ADAMTSL3: variants seen among roughly 807,000 people sequenced by gnomAD.
The protein encoded by ADAMTSL3 is ADAMTS-like protein 3.
In ADAMTSL3, 128 loss-of-function variants were observed where a neutral mutation model predicts 201.7. The observed-to-expected ratio is 0.63, with a 90% CI of 0.55 to 0.73. ADAMTSL3 has a LOEUF of 0.73. Ranked by LOEUF, ADAMTSL3 falls within the 30% of genes least tolerant of loss-of-function variation. The probability of loss-of-function intolerance (pLI) is 0.00; values close to 1 mark genes in which losing one functional copy is unlikely to be tolerated. For synonymous variants in ADAMTSL3, 738 were observed against 748.4 expected (o/e 0.99, Z 0.23); for missense variants, 1,990 against 2,119.6 (o/e 0.94, Z 1.20).
intron 17 of ADAMTSL3, among the ~76,000 whole-genome samples, chr15:83,934,561 G>GT (rs546279819): frequency 9.9e-5 from 15 of 152,264 alleles, no homozygotes; most frequent in Middle Eastern, 3.4e-3. Flanking sequence ...GGCATGATTG[G>GT]TTTTGAAATG....
At chr15:83,893,050 A>G (rs1417415220) in intron 13 of ADAMTSL3, among the ~76,000 whole-genome samples, 162 bp downstream of exon 13, 2 of 152,134 alleles carry the variant, frequency 1.3e-5, no homozygotes, top group Admixed American at 6.5e-5. Context: ...AGGACGAGGG[A>G]AGAAAGACCA....
In ADAMTSL3 at chr15:83,890,322, G is replaced by A. The variant is rs539562550; in HGVS notation, c.1211+75G>A. On this transcript the variant is annotated intron_variant, in intron 11 of 29. Transcript: ENST00000286744. ...CTTCAACTGAGACTGATCAATCTTT[G>A]CAGGGCAATACATTTCCATTTCCTG... The A allele has an allele frequency of 2.0e-5, 31 of 1,548,388 alleles. No homozygotes were observed. The South Asian group carries it at 3.4e-4, about 17-fold the overall frequency.
rs766451157 is a variant in ADAMTSL3 at position 83,704,417 on chromosome 15, A to G, written c.98A>G (p.Tyr33Cys). The part of the protein sequence containing the change: ...QTTAEKSPGA[Y>C]FLPEFALSPQ... The stretch of plus-strand genomic sequence containing the variant: ...ACAGCTGAGAAATCTCCTGGAGCCT[A>G]TTTCCTTCCCGAGTTTGCACTTTCT... Residue 33 changes from tyrosine to cysteine, a missense_variant, in exon 3 of 30, where the codon TAT becomes TGT. Physicochemically the swap from Tyr to Cys is radical, Grantham distance 194 (BLOSUM62 -2). Transcript: ENST00000286744. The G allele has an allele frequency of 1.2e-6, 2 of 1,614,102 alleles. No individual in the cohort carries two copies. The highest frequency in any genetic ancestry group is 1.7e-6 in the Non-Finnish European group (2 of 1,180,010).
intron 3 of ADAMTSL3, among the ~76,000 whole-genome samples, chr15:83,731,042 A>G (rs2062259977): frequency 6.6e-6 from 1 of 151,974 alleles, no homozygotes; most frequent in Admixed American, 6.6e-5. Context: ...TCCTTTTCCC[A>G]TTGTATATTC....
intron 23 of ADAMTSL3, among the ~76,000 whole-genome samples, chr15:83,994,761 TA>T (rs560120750): frequency 3.3e-4 from 35 of 107,198 alleles, no homozygotes; most frequent in African/African-American, 1.2e-3. Context: ...CATGCCTGGC[TA>T]TTTTTTTTTT....
chr15:83,704,327 C>T, intron 2 of ADAMTSL3, 62 bp from the exon 3 acceptor site: 1 of 1,609,638 alleles, frequency 6.2e-7, no homozygotes, highest in Non-Finnish European at 8.5e-7. Flanking sequence ...CCTTCTTGGA[C>T]TTTACCTGTC....
chr15:83,895,841 A>T (rs910570014), intron 13 of ADAMTSL3, among the ~76,000 whole-genome samples: 1 of 152,136 alleles, frequency 6.6e-6, no homozygotes, highest in Admixed American at 6.6e-5. Context: ...AAACAGGGTA[A>T]TCTCAAGCTT....
At chr15:83,865,560 A>G (rs1015773573) in intron 8 of ADAMTSL3, among the ~76,000 whole-genome samples, 8 of 152,230 alleles carry the variant, frequency 5.3e-5, no homozygotes, top group African/African-American at 1.9e-4. Flanking sequence ...GGCTAGCCAT[A>G]TGTAGAAAGC....
chr15:83,799,784 A>G (rs192724368), intron 4 of ADAMTSL3, among the ~76,000 whole-genome samples: 3 of 152,354 alleles, frequency 2.0e-5, no homozygotes, highest in Admixed American at 2.0e-4. Context: ...TGAATTTTCA[A>G]ATACTCCTGA....
intron 19 of ADAMTSL3, among the ~76,000 whole-genome samples, chr15:83,963,621 G>C (rs1490659427): frequency 6.6e-6 from 1 of 152,262 alleles, no homozygotes; most frequent in Non-Finnish European, 1.5e-5. Flanking sequence ...GCTCTGAAGA[G>C]AGCAGCAGAT....
At chr15:83,903,917 C>CAAAAAAAAAAAA (rs1168502648) in intron 15 of ADAMTSL3, among the ~76,000 whole-genome samples, 19 of 19,264 alleles carry the variant, frequency 9.9e-4, no homozygotes, top group African/African-American at 1.7e-3. Flanking sequence ...GACTCCACAT[C>CAAAAAAAAAAAA]AAAAAAAAAA....
intron 17 of ADAMTSL3, 28 bp from the exon 18 acceptor site, chr15:83,942,568 A>C: frequency 6.2e-7 from 1 of 1,600,790 alleles, no homozygotes; most frequent in South Asian, 1.1e-5. Flanking sequence ...TGGACTGTTC[A>C]ACTTTCCCCA....
At chr15:83,981,960 A>C (rs929434388) in intron 20 of ADAMTSL3, among the ~76,000 whole-genome samples, 1 of 152,184 alleles carries the variant, frequency 6.6e-6, no homozygotes, top group African/African-American at 2.4e-5. Context: ...TCTAGAAATA[A>C]CTATTCCCTA....
intron 5 of ADAMTSL3, among the ~76,000 whole-genome samples, chr15:83,816,714 A>G (rs1250125203): frequency 2.0e-5 from 3 of 152,202 alleles, no homozygotes; most frequent in Non-Finnish European, 4.4e-5. Flanking sequence ...TCAACAGAGG[A>G]AAGTCATCTG....
At chr15:83,957,306 G>A (rs2066880652) in intron 19 of ADAMTSL3, among the ~76,000 whole-genome samples, 1 of 152,204 alleles carries the variant, frequency 6.6e-6, no homozygotes, top group Non-Finnish European at 1.5e-5. Flanking sequence ...CAGCTGGATT[G>A]TGAAGGCTTT....
intron 6 of ADAMTSL3, among the ~76,000 whole-genome samples, chr15:83,821,167 TG>T (rs1345541594): frequency 6.6e-6 from 1 of 152,120 alleles, no homozygotes; most frequent in Non-Finnish European, 1.5e-5. Context: ...TTTTGACTTC[TG>T]AAAAATATTT....
At chr15:83,889,813 G>A (rs2065467897) in intron 10 of ADAMTSL3, among the ~76,000 whole-genome samples, 1 of 152,082 alleles carries the variant, frequency 6.6e-6, no homozygotes, top group South Asian at 2.1e-4. Flanking sequence ...ATTAATTGTC[G>A]TTCTCAATTT....
intron 2 of ADAMTSL3, among the ~76,000 whole-genome samples, chr15:83,688,561 A>G (rs2061567310): frequency 6.6e-6 from 1 of 151,840 alleles, no homozygotes; most frequent in African/African-American, 2.4e-5. Context: ...GTGAAATTAT[A>G]TTTATTTGTA....
chr15:83,951,398 G>A (rs1251551876), intron 19 of ADAMTSL3, among the ~76,000 whole-genome samples: 1 of 152,108 alleles, frequency 6.6e-6, no homozygotes, highest in Non-Finnish European at 1.5e-5. Context: ...CTTTTACTGT[G>A]TTGTTGAAAT....
Sources: gnomAD v4.1 joint callset for allele counts (sites outside exome capture counted in the v4.1 genomes callset) on GRCh38, gnomAD v4.1.1 for gene constraint, MANE v1.5 for transcripts, NCBI Gene and HGNC (gene_info 2026-07-23, HGNC 2026-07-21) for gene names.